LDB2: variants seen among roughly 807,000 people sequenced by gnomAD.
LDB2 encodes the protein LIM domain binding 2, also known as LIM domain-binding protein 2.
A neutral mutation model predicts 44.3 loss-of-function variants in LDB2; 12 were observed. That is an observed-to-expected ratio of 0.27 (90% CI 0.17 to 0.44). The LOEUF is 0.44. Ranked by LOEUF, LDB2 falls within the 20% of genes least tolerant of loss-of-function variation. The pLI is 1.00. For missense variants in LDB2, 344 were observed against 473.5 expected (o/e 0.73, Z 2.54); for synonymous variants, 164 against 174.8 (o/e 0.94, Z 0.49).
chr4:16,835,325 G>A lies in LDB2; in HGVS notation c.132+63029C>T, dbSNP rs79969010. Among the ~76,000 whole-genome samples the A allele has an allele frequency of 5.8e-4, 88 of 152,242 alleles. No homozygotes were observed. The East Asian group carries it at 0.014, about 25-fold the overall frequency. On this transcript the variant is annotated intron_variant, in intron 1 of 7. Transcript: ENST00000304523. ...CCAGACAGAGGTAGCCCAATGTTGC[G>A]GTCAATTACCATTAGATGGACTTGC...
At chr4:16,740,480 G>C (rs1421238586) in intron 2 of LDB2, among the ~76,000 whole-genome samples, 1 of 152,166 alleles carries the variant, frequency 6.6e-6, no homozygotes, top group Non-Finnish European at 1.5e-5. Flanking sequence ...CCAATCGTGC[G>C]AGCTGTTCTT....
intron 1 of LDB2, among the ~76,000 whole-genome samples, chr4:16,828,252 T>C (rs770818935): frequency 6.6e-6 from 1 of 152,226 alleles, no homozygotes. Context: ...CGCCTCCACC[T>C]GGTGCCCAGC....
intron 2 of LDB2, among the ~76,000 whole-genome samples, chr4:16,702,991 C>G (rs1753810912): frequency 6.6e-6 from 1 of 152,192 alleles, no homozygotes. Context: ...GAAGCTGTTT[C>G]TGACCACACA....
intron 2 of LDB2, among the ~76,000 whole-genome samples, chr4:16,696,133 T>C (rs985050632): frequency 6.6e-6 from 1 of 152,144 alleles, no homozygotes; most frequent in Non-Finnish European, 1.5e-5. Flanking sequence ...GGGACTAGTC[T>C]TGGGGAAAAA....
intron 1 of LDB2, among the ~76,000 whole-genome samples, chr4:16,794,758 T>C (rs922013785): frequency 2.0e-5 from 3 of 152,230 alleles, no homozygotes; most frequent in Admixed American, 6.5e-5. Flanking sequence ...AATGACAATT[T>C]TGGATGGGGT....
chr4:16,603,065 T>C (rs1340904494), intron 2 of LDB2, among the ~76,000 whole-genome samples: 2 of 152,226 alleles, frequency 1.3e-5, no homozygotes, highest in Non-Finnish European at 2.9e-5. Context: ...GGATCTTGAT[T>C]CTGTCAGTGA....
At chr4:16,544,790 T>C (rs755013338) in intron 5 of LDB2, among the ~76,000 whole-genome samples, 1 of 152,150 alleles carries the variant, frequency 6.6e-6, no homozygotes, top group African/African-American at 2.4e-5. Context: ...AGTGAAAACA[T>C]TGAAGAGGCA....
chr4:16,669,052 G>C (rs1422625343), intron 2 of LDB2, among the ~76,000 whole-genome samples: 1 of 152,230 alleles, frequency 6.6e-6, no homozygotes, highest in Non-Finnish European at 1.5e-5. Flanking sequence ...AGCTTAGGTG[G>C]TGCTCAGAGG....
chr4:16,665,034 A>C (rs887138106), intron 2 of LDB2, among the ~76,000 whole-genome samples: 2 of 152,174 alleles, frequency 1.3e-5, no homozygotes, highest in Non-Finnish European at 2.9e-5. Context: ...AGTATGAACT[A>C]CCCCATCATT....
chr4:16,783,650 G>A (rs981056991), intron 1 of LDB2, among the ~76,000 whole-genome samples: 1 of 152,258 alleles, frequency 6.6e-6, no homozygotes, highest in African/African-American at 2.4e-5. Context: ...GCAGGGATAT[G>A]AGAAGTAGAC....
At chr4:16,662,346 C>T (rs1340014468) in intron 2 of LDB2, among the ~76,000 whole-genome samples, 1 of 152,128 alleles carries the variant, frequency 6.6e-6, no homozygotes, top group Non-Finnish European at 1.5e-5. Context: ...AAGCTTAGTA[C>T]AGAAAGTAGC....
At chr4:16,704,446 G>T (rs1439702613) in intron 2 of LDB2, among the ~76,000 whole-genome samples, 1 of 152,118 alleles carries the variant, frequency 6.6e-6, no homozygotes, top group Non-Finnish European at 1.5e-5. Context: ...AGTATAAACT[G>T]CCCACAAATT....
chr4:16,863,513 T>C (rs942059904), intron 1 of LDB2, among the ~76,000 whole-genome samples: 2 of 152,180 alleles, frequency 1.3e-5, no homozygotes, highest in Admixed American at 6.5e-5. Flanking sequence ...TTTCTCCCAC[T>C]TGACAGTTAC....
intron 2 of LDB2, among the ~76,000 whole-genome samples, chr4:16,617,327 A>G (rs1202342979): frequency 1.3e-5 from 2 of 152,170 alleles, no homozygotes; most frequent in Non-Finnish European, 2.9e-5. Context: ...GGTAGGAAGA[A>G]ATAAGAACAA....
chr4:16,557,774 C>A (rs548681750), intron 5 of LDB2, among the ~76,000 whole-genome samples: 4 of 152,258 alleles, frequency 2.6e-5, no homozygotes, highest in African/African-American at 9.6e-5. Context: ...CAAGTGGGTC[C>A]CTGACCCCTG....
chr4:16,821,768 A>AAAAAAAAAAAAAAAAAC (rs1782113007), intron 1 of LDB2, among the ~76,000 whole-genome samples: 1 of 150,204 alleles, frequency 6.7e-6, no homozygotes, highest in Non-Finnish European at 1.5e-5. Context: ...AAAAAAAAAA[A>AAAAAAAAAAAAAAAAAC]AATCAGGAAT....
intron 1 of LDB2, among the ~76,000 whole-genome samples, chr4:16,809,393 G>T (rs1021273074): frequency 6.6e-6 from 1 of 152,120 alleles, no homozygotes; most frequent in African/African-American, 2.4e-5. Context: ...AATGCTAAAG[G>T]CTGTCCAGGA....
At chr4:16,852,132 C>G (rs1344589593) in intron 1 of LDB2, among the ~76,000 whole-genome samples, 1 of 152,126 alleles carries the variant, frequency 6.6e-6, no homozygotes. Flanking sequence ...ATAACCACAT[C>G]TTTTGGGGTT....
At chr4:16,626,727 T>C (rs528224908) in intron 2 of LDB2, 6 of 152,182 alleles carry the variant, frequency 3.9e-5, no homozygotes, top group South Asian at 2.1e-4. Context: ...GTAGGAATAA[T>C]AGTCCCTACC....
Sources: allele counts gnomAD v4.1 joint callset (sites outside exome capture counted in the v4.1 genomes callset), GRCh38; gene constraint gnomAD v4.1.1; transcripts MANE v1.5; gene names NCBI Gene and HGNC (gene_info 2026-07-23, HGNC 2026-07-21).